Variants in VIT observed in about 807,000 individuals in gnomAD.
VIT encodes the protein vitrin.
Under a neutral mutation model 78.0 loss-of-function variants are expected in VIT, and 99 were observed. The observed-to-expected ratio is 1.27, with a 90% confidence interval of 1.08 to 1.50. The LOEUF (loss-of-function observed/expected upper bound fraction) is 1.50. Ranked by LOEUF, VIT falls within the 40% of genes most tolerant of loss-of-function variation. The pLI, the probability that VIT is intolerant of heterozygous loss-of-function variation, is 0.00. For synonymous variants in VIT, 374 were observed against 334.3 expected, an observed-to-expected ratio of 1.12 and a Z score of -1.29; for missense variants, 1,126 against 875.3, an observed-to-expected ratio of 1.29 and a Z score of -3.61.
chr2:36,755,100 G>A, intron 5 of VIT, 46 bp downstream of exon 5: 1 of 1,585,578 alleles, frequency 6.3e-7, no homozygotes, highest in Non-Finnish European at 8.6e-7. Context: ...ACCACAAGAT[G>A]AAATGTGCTC....
chr2:36,771,408 A>C (rs912970936), intron 7 of VIT, among the ~76,000 whole-genome samples: 37 of 151,788 alleles, frequency 2.4e-4, no homozygotes, highest in Non-Finnish European at 2.1e-4. Flanking sequence ...CACCTGTAAT[A>C]CCGGCTACTC....
In VIT at chr2:36,788,131, G is replaced by C; in HGVS notation, c.1058+855G>C. ...CCAAGAATCATTGAGGGCAGGATGG[G>C]TATCATGCCTTCTACAAAGGACCAG... is the stretch of plus-strand genomic sequence containing the variant. On this transcript the variant is annotated intron_variant, in intron 12 of 15. Coordinates refer to ENST00000379242, the MANE Select transcript of VIT (RefSeq NM_053276.4). The C allele has an allele frequency of 1.7e-5, 4 of 236,166 alleles. No individual in the cohort carries two copies. In the South Asian group the frequency reaches 1.8e-4, roughly 11 times the overall value. 14.6% of individuals were successfully genotyped at this position (236,166 alleles called of 1,614,324 possible). A position where few individuals can be genotyped will look rare whatever the true frequency, so the allele number is the denominator to read the frequency against.
chr2:36,794,330 GAA>G (rs11307491), intron 12 of VIT, among the ~76,000 whole-genome samples: 2 of 151,744 alleles, frequency 1.3e-5, no homozygotes, highest in Admixed American at 6.6e-5. Context: ...ATATTCCCTA[GAA>G]AAAAAAATTT....
intron 12 of VIT, among the ~76,000 whole-genome samples, chr2:36,795,264 T>C (rs1380755320): frequency 6.6e-6 from 1 of 152,054 alleles, no homozygotes; most frequent in African/African-American, 2.4e-5. Flanking sequence ...TTTTTGGATA[T>C]GTGTAGAGGT....
At position 36,814,554 on chromosome 2, in the gene VIT, G is replaced by C; in HGVS notation, c.*193G>C. ...TGGAGTTACAAAGATGATCACAAAC[G>C]TATAGAATGAGCCAAAAGGCTACAT... On this transcript the variant is annotated 3_prime_UTR_variant, in exon 16 of 16. Coordinates refer to ENST00000379242, the MANE Select transcript of VIT (RefSeq NM_053276.4). 3 of 676,254 alleles carry C rather than the reference G, an allele frequency of 4.4e-6. No individual in the cohort carries two copies. Among genetic ancestry groups the C allele is most frequent in the Non-Finnish European group, 7.1e-6 (3 of 423,838 alleles). 41.9% of individuals were successfully genotyped at this position (676,254 alleles called of 1,614,324 possible). A position where few individuals can be genotyped will look rare whatever the true frequency, so the allele number is the denominator to read the frequency against.
intron 12 of VIT, among the ~76,000 whole-genome samples, chr2:36,790,824 C>A (rs1665440278): frequency 6.6e-6 from 1 of 152,148 alleles, no homozygotes; most frequent in African/African-American, 2.4e-5. Flanking sequence ...CCCTGTCTTG[C>A]ACATGAATTC....
intron 3 of VIT, among the ~76,000 whole-genome samples, chr2:36,731,434 C>T (rs6710484): frequency 0.017 from 2,543 of 151,998 alleles, 68 homozygotes; most frequent in African/African-American, 0.059. Flanking sequence ...CCACCACACC[C>T]GGCTAATTTT....
intron 12 of VIT, among the ~76,000 whole-genome samples, chr2:36,800,098 G>A (rs1437086411): frequency 3.3e-5 from 5 of 151,048 alleles, no homozygotes; most frequent in African/African-American, 4.9e-5. Flanking sequence ...TGTAATCCTA[G>A]CACTCTGGGA....
intron 11 of VIT, among the ~76,000 whole-genome samples, chr2:36,784,314 A>T (rs1376369277): frequency 1.3e-5 from 2 of 152,218 alleles, no homozygotes; most frequent in Non-Finnish European, 2.9e-5. Context: ...ATTATTAAAG[A>T]TGCCCATCTT....
chr2:36,729,161 T>C (rs1465365600), intron 2 of VIT, among the ~76,000 whole-genome samples: 3 of 152,198 alleles, frequency 2.0e-5, no homozygotes, highest in African/African-American at 7.2e-5. Context: ...TAAGAGGCAA[T>C]AGACCATATC....
chr2:36,788,250 A>C (rs754191312), intron 12 of VIT, among the ~76,000 whole-genome samples: 2 of 152,176 alleles, frequency 1.3e-5, no homozygotes, highest in Non-Finnish European at 2.9e-5. Flanking sequence ...CCTCCTGAAA[A>C]GAAAAACTAT....
At chr2:36,805,006 T>A (rs1432321677) in intron 13 of VIT, among the ~76,000 whole-genome samples, 1 of 151,828 alleles carries the variant, frequency 6.6e-6, no homozygotes, top group African/African-American at 2.4e-5. Flanking sequence ...TTGAAGTGAT[T>A]TTAAAAAAGT....
rs1422069228 is a variant in VIT, at chr2:36,814,350, C to T, written c.2071C>T (p.Pro691Ser). The change falls in exon 16 of 16, where the codon CCT (proline) becomes TCT (serine). Residue 691 changes from proline (P) to serine (S), a missense_variant. Transcript: ENST00000379242. ...QNICTEFNSQ[P>S]RN Reference sequence around the variant, plus strand: ...CATTTGTACAGAGTTCAACTCACAGCCTCGGAACTGAATTCAGAGCAGGCA... The same window carrying T: ...CATTTGTACAGAGTTCAACTCACAGTCTCGGAACTGAATTCAGAGCAGGCA... The T allele has an allele frequency of 6.2e-7, 1 of 1,614,018 alleles. No homozygotes were observed. The highest frequency in any genetic ancestry group is 8.5e-7 in the Non-Finnish European group (1 of 1,180,020).
intron 6 of VIT, among the ~76,000 whole-genome samples, chr2:36,760,206 G>A (rs958622600): frequency 6.6e-6 from 1 of 151,978 alleles, no homozygotes; most frequent in African/African-American, 2.4e-5. Flanking sequence ...TGTTGGCCAG[G>A]ATGGTCTCGA....
intron 9 of VIT, among the ~76,000 whole-genome samples, chr2:36,778,365 T>A (rs1464906505): frequency 1.3e-5 from 2 of 152,110 alleles, no homozygotes; most frequent in Non-Finnish European, 2.9e-5. Context: ...TCCTGCTGTA[T>A]GGAGGAGGCA....
intron 2 of VIT, among the ~76,000 whole-genome samples, chr2:36,721,912 T>G (rs965563420): frequency 3.9e-4 from 60 of 152,312 alleles, no homozygotes; most frequent in African/African-American, 1.4e-3. Flanking sequence ...GACCTTGTCA[T>G]TTTTCTGGGT....
At chr2:36,800,002 C>T (rs1410225998) in intron 12 of VIT, among the ~76,000 whole-genome samples, 4 of 147,628 alleles carry the variant, frequency 2.7e-5, no homozygotes, top group South Asian at 2.1e-4. Flanking sequence ...GAGCCAAGAT[C>T]GAGCCAGTGT....
chr2:36,801,561 A>G (rs544009205), intron 13 of VIT, among the ~76,000 whole-genome samples, 157 bp downstream of exon 13: 3 of 152,322 alleles, frequency 2.0e-5, no homozygotes, highest in African/African-American at 7.2e-5. Context: ...TTATCCCAGC[A>G]CTTTGGGAGG....
chr2:36,793,813 G>T (rs1366005056), intron 12 of VIT, among the ~76,000 whole-genome samples: 1 of 152,210 alleles, frequency 6.6e-6, no homozygotes, highest in Non-Finnish European at 1.5e-5. Flanking sequence ...GTGTGACTCA[G>T]AGTGTCATGG....
Sources: gnomAD v4.1 joint callset for allele counts (sites outside exome capture counted in the v4.1 genomes callset) on GRCh38, gnomAD v4.1.1 for gene constraint, MANE v1.5 for transcripts, NCBI Gene and HGNC (gene_info 2026-07-23, HGNC 2026-07-21) for gene names.